The following RNF4 variants were observed in gnomAD, a reference collection of about 807,000 sequenced individuals.
The protein encoded by RNF4 is E3 ubiquitin-protein ligase RNF4.
In RNF4, 7 loss-of-function variants were observed where a neutral mutation model predicts 24.3. That is an observed-to-expected ratio of 0.29 (90% CI 0.16 to 0.54). RNF4 has a LOEUF of 0.54. Ranked by LOEUF, RNF4 falls within the 20% of genes least tolerant of loss-of-function variation. RNF4 has a pLI of 0.95. For synonymous variants in RNF4, 83 were observed against 84.3 expected (o/e 0.98, Z 0.09); for missense variants, 209 against 248.5 (o/e 0.84, Z 1.07).
intron 4 of RNF4, among the ~76,000 whole-genome samples, chr4:2,508,936 T>TTTA (rs1329229807): frequency 1.0e-4 from 14 of 138,716 alleles, no homozygotes; most frequent in East Asian, 2.1e-4. Flanking sequence ...TTTTTTTTTT[T>TTTA]AATTAAAGAC....
intron 1 of RNF4, among the ~76,000 whole-genome samples, chr4:2,488,389 G>A (rs1735477046): frequency 6.6e-6 from 1 of 152,214 alleles, no homozygotes. Context: ...CTTGAACCTG[G>A]GAGGTGGAGG....
chr4:2,500,133 G>A (rs1186976091), intron 3 of RNF4, among the ~76,000 whole-genome samples: 1 of 148,612 alleles, frequency 6.7e-6, no homozygotes, highest in Non-Finnish European at 1.5e-5. Flanking sequence ...CTCCAGCCTT[G>A]GCGACAGAGC....
intron 1 of RNF4, among the ~76,000 whole-genome samples, chr4:2,483,009 G>C (rs923617945): frequency 6.6e-6 from 1 of 152,172 alleles, no homozygotes; most frequent in Admixed American, 6.5e-5. Flanking sequence ...CTGGGGTGAA[G>C]GTTTGTTTTG....
chr4:2,489,527 C>T (rs1735517370), intron 1 of RNF4, among the ~76,000 whole-genome samples: 1 of 152,184 alleles, frequency 6.6e-6, no homozygotes, highest in East Asian at 1.9e-4. Flanking sequence ...GAGGGCCTAG[C>T]AGGCTGTGCT....
At chr4:2,472,906 A>C (rs1355962166) in intron 1 of RNF4, among the ~76,000 whole-genome samples, 1 of 151,842 alleles carries the variant, frequency 6.6e-6, no homozygotes, top group East Asian at 1.9e-4. Flanking sequence ...CGGTCTTGGC[A>C]GCGGGCACCT....
chr4:2,501,966 A>T (rs1320542696), intron 4 of RNF4, among the ~76,000 whole-genome samples: 2 of 152,218 alleles, frequency 1.3e-5, no homozygotes, highest in African/African-American at 4.8e-5. Flanking sequence ...CAGTGGGTTT[A>T]GTTGTACGTG....
intron 2 of RNF4, among the ~76,000 whole-genome samples, chr4:2,492,197 C>CA (rs1211407930): frequency 3.6e-3 from 441 of 122,140 alleles, no homozygotes; most frequent in Middle Eastern, 0.012. Flanking sequence ...GACTCCATCT[C>CA]AAAAAAAAAA....
chr4:2,476,203 C>T (rs750951042), intron 1 of RNF4, among the ~76,000 whole-genome samples: 5 of 152,174 alleles, frequency 3.3e-5, no homozygotes, highest in Non-Finnish European at 5.9e-5. Context: ...AGCCAAACTA[C>T]TGCTAAATTC....
At chr4:2,475,389 T>C (rs1043986389) in intron 1 of RNF4, among the ~76,000 whole-genome samples, 1 of 151,932 alleles carries the variant, frequency 6.6e-6, no homozygotes, top group Non-Finnish European at 1.5e-5. Context: ...CCCAGGCTGG[T>C]GTGCAGTGGC....
Position 2,514,198 on chromosome 4 carries a change from G to T in RNF4, c.*379G>T, listed in dbSNP as rs1053072174. Reference sequence around the variant, plus strand: ...CCACCTTTTGTCCCAAGTGTCTGCCGGTCGACCAATCTGCCTGCCACACAT... The same window carrying T: ...CCACCTTTTGTCCCAAGTGTCTGCCTGTCGACCAATCTGCCTGCCACACAT... On this transcript the variant is annotated 3_prime_UTR_variant, in exon 8 of 8. Transcript: ENST00000314289. 17 of 233,064 alleles carry T rather than the reference G, an allele frequency of 7.3e-5. No homozygotes were observed. The Admixed American group carries it at 8.3e-4, about 11-fold the overall frequency. 14.4% of individuals were successfully genotyped at this position (233,064 alleles called of 1,614,324 possible). A position where few individuals can be genotyped will look rare whatever the true frequency, so the allele number is the denominator to read the frequency against.
At chr4:2,502,368 A>G (rs935977971) in intron 4 of RNF4, among the ~76,000 whole-genome samples, 2 of 151,844 alleles carry the variant, frequency 1.3e-5, no homozygotes, top group Non-Finnish European at 2.9e-5. Flanking sequence ...CCCCTTTCAC[A>G]CTTGTGTTTT....
chr4:2,474,139 G>A (rs994270763), intron 1 of RNF4, among the ~76,000 whole-genome samples: 1 of 152,074 alleles, frequency 6.6e-6, no homozygotes, highest in Non-Finnish European at 1.5e-5. Flanking sequence ...ACTTTGGGAG[G>A]CCAAGGCAGG....
intron 1 of RNF4, among the ~76,000 whole-genome samples, chr4:2,484,081 G>A (rs1223940190): frequency 4.1e-4 from 10 of 24,474 alleles, no homozygotes; most frequent in East Asian, 9.9e-4. Context: ...CCCCCGCCTC[G>A]GCCTCCCAAA....
At chr4:2,496,527 C>T (rs1261882637) in intron 2 of RNF4, among the ~76,000 whole-genome samples, 1 of 152,126 alleles carries the variant, frequency 6.6e-6, no homozygotes, top group Non-Finnish European at 1.5e-5. Flanking sequence ...GTGACGCGAT[C>T]TCGCCTCACT....
rs1308190119 is a variant in RNF4, at chr4:2,515,319, T to G, written c.*1500T>G. On this transcript the variant is annotated 3_prime_UTR_variant, in exon 8 of 8. Transcript: ENST00000314289. ...CTATGTGAAAAGAAAATTGTTTTAT[T>G]CTTCATTCTGACTTTTTAACTGTTT... The G allele has an allele frequency of 6.6e-6, 1 of 152,644 alleles. No individual in the cohort carries two copies. Among genetic ancestry groups the G allele is most frequent in the Non-Finnish European group, 1.5e-5 (1 of 68,034 alleles). The allele number at this position is 152,644 out of a possible 1,614,324, so 9.5% of individuals were successfully genotyped here. A position where few individuals can be genotyped will look rare whatever the true frequency, so the allele number is the denominator to read the frequency against.
At chr4:2,504,741 T>TC (rs1413577462) in intron 4 of RNF4, among the ~76,000 whole-genome samples, 1 of 142,324 alleles carries the variant, frequency 7.0e-6, no homozygotes, top group Non-Finnish European at 1.5e-5. Flanking sequence ...TTTTTTTTTT[T>TC]TTTTTTGAGA....
intron 1 of RNF4, among the ~76,000 whole-genome samples, chr4:2,487,046 C>T (rs1705798975): frequency 6.6e-6 from 1 of 152,156 alleles, no homozygotes; most frequent in South Asian, 2.1e-4. Flanking sequence ...TCTGTTGAAA[C>T]CAACTAGACA....
chr4:2,471,755 A>T (rs531156916), intron 1 of RNF4, among the ~76,000 whole-genome samples: 11 of 152,362 alleles, frequency 7.2e-5, no homozygotes, highest in Non-Finnish European at 1.6e-4. Flanking sequence ...CATCCATGAC[A>T]TTCCCTTAAG....
intron 2 of RNF4, among the ~76,000 whole-genome samples, chr4:2,495,181 C>G (rs547298384): frequency 6.6e-6 from 1 of 152,146 alleles, no homozygotes; most frequent in South Asian, 2.1e-4. Flanking sequence ...GTTCTGTGCT[C>G]CTTAGTCCGT....
Sources: gnomAD v4.1 joint callset for allele counts (sites outside exome capture counted in the v4.1 genomes callset) on GRCh38, gnomAD v4.1.1 for gene constraint, MANE v1.5 for transcripts, NCBI Gene and HGNC (gene_info 2026-07-23, HGNC 2026-07-21) for gene names.